The following DPP6 variants were observed in gnomAD, a reference collection of about 807,000 sequenced individuals.
The protein encoded by DPP6 is dipeptidyl peptidase like 6.
A neutral mutation model predicts 122.6 loss-of-function variants in DPP6; 69 were observed. That is an observed-to-expected ratio of 0.56 (90% CI 0.46 to 0.69). The LOEUF (loss-of-function observed/expected upper bound fraction) is 0.69, where lower values mean the gene tolerates loss of function less well. Among genes scored for constraint, DPP6 ranks in the 30% least tolerant of loss-of-function variants. DPP6 has a pLI of 0.00. For synonymous variants in DPP6, 418 were observed against 433.1 expected (o/e 0.97, Z 0.43); for missense variants, 928 against 1,116.9 (o/e 0.83, Z 2.41).
chr7:154,110,591 A>G (rs1315020222), intron 1 of DPP6, among the ~76,000 whole-genome samples: 1 of 152,194 alleles, frequency 6.6e-6, no homozygotes, highest in African/African-American at 2.4e-5. Context: ...ACAAACTTCC[A>G]TTCTTTATGG....
chr7:153,913,672 T>G (rs1315861106), intron 1 of DPP6, among the ~76,000 whole-genome samples: 1 of 132,420 alleles, frequency 7.6e-6, no homozygotes, highest in Admixed American at 7.8e-5. Context: ...TGAATCCAGT[T>G]TTGGGGACCA....
chr7:154,883,316 TCA>T (rs1227972930), intron 21 of DPP6, among the ~76,000 whole-genome samples: 12 of 128,708 alleles, frequency 9.3e-5, no homozygotes, highest in Admixed American at 4.8e-4. Flanking sequence ...ATACACCTGC[TCA>T]CACATACACA....
the DPP6 span, among the ~76,000 whole-genome samples, chr7:153,881,697 C>T: frequency 6.6e-6 from 1 of 152,118 alleles, no homozygotes; most frequent in Admixed American, 6.6e-5. Flanking sequence ...CTCCACATGT[C>T]CTTCCACCCT....
At chr7:154,088,929 G>C (rs1804618093) in intron 1 of DPP6, among the ~76,000 whole-genome samples, 1 of 152,208 alleles carries the variant, frequency 6.6e-6, no homozygotes, top group South Asian at 2.1e-4. Flanking sequence ...GGAGCCACAT[G>C]TGGCTCCGGC....
At chr7:153,981,370 G>C (rs111307731) in intron 1 of DPP6, among the ~76,000 whole-genome samples, 133 of 152,056 alleles carry the variant, frequency 8.7e-4, no homozygotes, top group African/African-American at 3.1e-3. Flanking sequence ...TGCAAGCCCT[G>C]CTTTTTTTAC....
At chr7:154,234,875 G>T (rs1339752483) in intron 1 of DPP6, among the ~76,000 whole-genome samples, 2 of 152,126 alleles carry the variant, frequency 1.3e-5, no homozygotes, top group Non-Finnish European at 2.9e-5. Context: ...CACAGCCCCT[G>T]CATGGAACAG....
intron 1 of DPP6, among the ~76,000 whole-genome samples, chr7:154,174,095 TAC>T (rs1338374871): frequency 6.6e-6 from 1 of 152,232 alleles, no homozygotes; most frequent in Non-Finnish European, 1.5e-5. Flanking sequence ...CTTTTCTATT[TAC>T]AGTTTCCTTT....
the DPP6 span, among the ~76,000 whole-genome samples, chr7:153,869,353 G>A: frequency 6.6e-6 from 1 of 152,112 alleles, no homozygotes; most frequent in African/African-American, 2.4e-5. Flanking sequence ...GGGTGCATAT[G>A]TATTTAGGAT....
At position 154,806,979 on chromosome 7, in the gene DPP6, C is replaced by T. The variant is rs1798735304; in HGVS notation, c.1548-15C>T. On this transcript the variant is annotated splice_polypyrimidine_tract_variant and intron_variant, in intron 15 of 25. Coordinates refer to ENST00000377770, the MANE Select transcript of DPP6 (RefSeq NM_130797.4). ...TCTCCGCCCACATTCACACCTGCGT[C>T]CTTTGCTCTTCCAGTGCCAACACGG... The T allele has an allele frequency of 1.2e-6, 2 of 1,613,424 alleles. No homozygotes were observed. Among genetic ancestry groups the T allele is most frequent in the East Asian group, 4.5e-5 (2 of 44,884 alleles).
At chr7:154,682,274 G>A (rs1014052191) in intron 7 of DPP6, among the ~76,000 whole-genome samples, 1 of 152,258 alleles carries the variant, frequency 6.6e-6, no homozygotes, top group South Asian at 2.1e-4. Context: ...AAGGAAGATA[G>A]AGAGTGCTCC....
intron 5 of DPP6, among the ~76,000 whole-genome samples, chr7:154,586,711 A>G (rs1832477798): frequency 6.6e-6 from 1 of 152,012 alleles, no homozygotes; most frequent in African/African-American, 2.4e-5. Flanking sequence ...TTGCCACTAA[A>G]CGAGTCCTGA....
intron 2 of DPP6, among the ~76,000 whole-genome samples, chr7:154,449,652 T>A (rs1820182375): frequency 6.6e-6 from 1 of 152,112 alleles, no homozygotes; most frequent in Admixed American, 6.5e-5. Flanking sequence ...ATAACAGCAT[T>A]AATGATAATA....
At chr7:154,622,690 G>A (rs373712111) in intron 5 of DPP6, among the ~76,000 whole-genome samples, 14 of 152,210 alleles carry the variant, frequency 9.2e-5, no homozygotes, top group African/African-American at 2.9e-4. Context: ...CAACACCATC[G>A]AATGACCATT....
At chr7:154,186,411 A>G (rs1798355992) in intron 1 of DPP6, among the ~76,000 whole-genome samples, 1 of 152,246 alleles carries the variant, frequency 6.6e-6, no homozygotes. Flanking sequence ...TATTTTAGCC[A>G]CTGACATCTC....
At chr7:154,247,076 G>A (rs1802028059) in intron 1 of DPP6, among the ~76,000 whole-genome samples, 1 of 152,178 alleles carries the variant, frequency 6.6e-6, no homozygotes, top group African/African-American at 2.4e-5. Flanking sequence ...ATTTTGGGGG[G>A]CCGAGGTCAG....
intron 5 of DPP6, among the ~76,000 whole-genome samples, chr7:154,597,609 T>TAA (rs1554596243): frequency 4.7e-5 from 7 of 147,622 alleles, no homozygotes; most frequent in African/African-American, 7.5e-5. Flanking sequence ...TGAGACTCCA[T>TAA]AAAAAAAAAA....
intron 6 of DPP6, among the ~76,000 whole-genome samples, chr7:154,652,838 C>A (rs1255823440): frequency 6.6e-6 from 1 of 151,904 alleles, no homozygotes; most frequent in Non-Finnish European, 1.5e-5. Flanking sequence ...TGGGCAAACT[C>A]CCTGAGTCGG....
intron 1 of DPP6, among the ~76,000 whole-genome samples, chr7:153,997,465 C>T (rs1797495617): frequency 2.6e-5 from 4 of 151,942 alleles, no homozygotes; most frequent in South Asian, 4.2e-4. Context: ...TCATTCATCC[C>T]ATGTTTTATT....
chr7:154,093,571 A>C (rs1217783471), intron 1 of DPP6: 1 of 142,356 alleles, frequency 7.0e-6, no homozygotes, highest in Non-Finnish European at 1.6e-5. Context: ...CACACTGTAC[A>C]CACCACAAAC....
Sources: gnomAD v4.1 joint callset for allele counts (sites outside exome capture counted in the v4.1 genomes callset) on GRCh38, gnomAD v4.1.1 for gene constraint, MANE v1.5 for transcripts, NCBI Gene and HGNC (gene_info 2026-07-23, HGNC 2026-07-21) for gene names.